Variants in HACL1 observed in about 807,000 individuals in gnomAD.
The protein encoded by HACL1 is 2-hydroxyacyl-CoA lyase 1.
HACL1 carries 64 observed loss-of-function variants against 74.2 expected under a neutral mutation model. The observed-to-expected ratio is 0.86, with a 90% CI of 0.70 to 1.06. HACL1 has a LOEUF of 1.06. HACL1 is among the 50% of genes least tolerant of loss of function. HACL1 has a pLI of 0.00. For missense variants in HACL1, 728 were observed against 719.7 expected (o/e 1.01, Z -0.13); for synonymous variants, 230 against 238.8 (o/e 0.96, Z 0.34).
chr3:15,567,677 A>T (rs2063460476), intron 14 of HACL1, among the ~76,000 whole-genome samples, 167 bp downstream of exon 14: 2 of 152,252 alleles, frequency 1.3e-5, no homozygotes, highest in Admixed American at 1.3e-4. Context: ...CGGTTCTGGA[A>T]GAGAAAGACC....
Position 15,597,306 on chromosome 3 carries a change from T to A in HACL1, c.187-882A>T, listed in dbSNP as rs371825922. On this transcript the variant is annotated intron_variant, in intron 2 of 16. Transcript: ENST00000321169. ...TCCACTTTACTTCCACATGGTCAGG[T>A]GACATATACTGCACGCTTTCAATCC... 3.9e-5 allele frequency among the ~76,000 whole-genome samples: 6 copies of A among 152,342 alleles called. No homozygotes were observed. The East Asian group carries it at 1.2e-3, about 29-fold the overall frequency.
At chr3:15,591,492 GT>G (rs11296184) in intron 4 of HACL1, 107 bp downstream of exon 4, 76,408 of 540,352 alleles carry the variant, frequency 0.14, 10,983 homozygotes, top group African/African-American at 0.55. Context: ...AATTGAAGGG[GT>G]TTTTTTTTTC....
At chr3:15,568,060 T>C (rs2125231726) in intron 13 of HACL1, 58 bp from the exon 14 acceptor site, 1 of 1,440,016 alleles carries the variant, frequency 6.9e-7, no homozygotes, top group Non-Finnish European at 9.7e-7. Flanking sequence ...AGGATGGGAT[T>C]GGCACAAACC....
chr3:15,587,286 T>C (rs551760797), intron 5 of HACL1, among the ~76,000 whole-genome samples: 3 of 146,074 alleles, frequency 2.1e-5, no homozygotes, highest in African/African-American at 7.7e-5. Flanking sequence ...ACTTGGATTC[T>C]TTCTCTTCTG....
Position 15,575,079 on chromosome 3 carries a change from A to T in HACL1, c.807T>A (p.Ala269=), listed in dbSNP as rs1396050208. Residue 269 remains alanine (A), a synonymous_variant, in exon 10 of 17, where the codon GCT becomes GCA. Transcript: ENST00000321169. ...ACACAATTACATCAGCAAATTGCAA[A>T]GCCCTATTAAAAAAATTGATATGAA... ...PYCVGAARSR[A]LQFADVIVLF... 1 of 1,518,352 alleles carries T rather than the reference A, an allele frequency of 6.6e-7. No homozygotes were observed. The highest frequency in any genetic ancestry group is 9.1e-7 in the Non-Finnish European group (1 of 1,096,312). 94.1% of individuals were successfully genotyped at this position (1,518,352 alleles called of 1,614,324 possible).
At chr3:15,585,387 C>T in intron 6 of HACL1, 45 bp from the exon 7 acceptor site, 1 of 1,035,134 alleles carries the variant, frequency 9.7e-7, no homozygotes, top group Non-Finnish European at 1.5e-6. Context: ...AAATCTCAGT[C>T]TTATCATATT....
intron 2 of HACL1, among the ~76,000 whole-genome samples, chr3:15,599,900 T>C (rs2064153493): frequency 6.6e-6 from 1 of 152,250 alleles, no homozygotes; most frequent in Non-Finnish European, 1.5e-5. Flanking sequence ...ATGTCATCTC[T>C]ACAAAAACAG....
In HACL1 at chr3:15,600,051, A is replaced by C. The variant is rs142576690; in HGVS notation, c.186+1039T>G. 3.4e-3 allele frequency among the ~76,000 whole-genome samples: 522 copies of C among 151,556 alleles called. 2 individuals are homozygous for C. Among genetic ancestry groups the C allele is most frequent in the Non-Finnish European group, 5.5e-3 (373 of 67,932 alleles). On this transcript the variant is annotated intron_variant, in intron 2 of 16. Transcript: ENST00000321169. ...TCCTAGTTTTAAGATTAAAAAATACAAATCTCAAACCTTGTAGATAAAGAA... is the reference window on the plus strand; with the variant it reads ...TCCTAGTTTTAAGATTAAAAAATACCAATCTCAAACCTTGTAGATAAAGAA...
At chr3:15,596,455 T>C (rs749056008) in intron 2 of HACL1, 31 bp from the exon 3 acceptor site, 20 of 1,438,056 alleles carry the variant, frequency 1.4e-5, no homozygotes, top group Non-Finnish European at 2.0e-5. Flanking sequence ...GACTTGAGCA[T>C]ATTGGGATCC....
chr3:15,592,481 T>TACACACTTGTATACATAC (rs139294939), intron 3 of HACL1, among the ~76,000 whole-genome samples: 14 of 138,128 alleles, frequency 1.0e-4, no homozygotes, highest in Non-Finnish European at 1.7e-4. Flanking sequence ...CACGTATACA[T>TACACACTTGTATACATAC]ACACTTGTAT....
chr3:15,591,885 C>CGTATATAGTGTATACACTATATAT (rs1455937007), intron 3 of HACL1, among the ~76,000 whole-genome samples: 54 of 149,160 alleles, frequency 3.6e-4, no homozygotes, highest in African/African-American at 6.4e-4. Flanking sequence ...CACACATATA[C>CGTATATAGTGTATACACTATATAT]GTATATAGTG....
chr3:15,593,170 T>A (rs1306906880), intron 3 of HACL1, among the ~76,000 whole-genome samples: 1 of 150,200 alleles, frequency 6.7e-6, no homozygotes, highest in East Asian at 2.0e-4. Context: ...TACGTATATA[T>A]GTGTGTATAT....
intron 3 of HACL1, among the ~76,000 whole-genome samples, chr3:15,591,892 A>G (rs1024248803): frequency 1.4e-4 from 21 of 150,704 alleles, no homozygotes; most frequent in African/African-American, 4.9e-4. Context: ...ATACGTATAT[A>G]GTGTATACAC....
chr3:15,586,025 G>A (rs1276058335), intron 6 of HACL1, among the ~76,000 whole-genome samples: 1 of 152,050 alleles, frequency 6.6e-6, no homozygotes, highest in African/African-American at 2.4e-5. Context: ...ATTTAGACTT[G>A]GGTCACATCC....
chr3:15,583,658 T>C (rs2063747631), intron 7 of HACL1, among the ~76,000 whole-genome samples: 1 of 147,708 alleles, frequency 6.8e-6, no homozygotes. Flanking sequence ...TTTCTTTTCT[T>C]TTTTTTTTTC....
chr3:15,601,006 G>A lies in HACL1; in HGVS notation c.186+84C>T, dbSNP rs931795228. Reference sequence around the variant, plus strand: ...GTAAAGTAGCAGAAGAGTGGTAAGCGCTATCTGGGTGTTTGCAATGCATAC... The same window carrying A: ...GTAAAGTAGCAGAAGAGTGGTAAGCACTATCTGGGTGTTTGCAATGCATAC... On this transcript the variant is annotated intron_variant, in intron 2 of 16. Transcript: ENST00000321169. The A allele has an allele frequency of 8.7e-6, 7 of 803,292 alleles. No individual in the cohort carries two copies. In the African/African-American group the frequency reaches 1.2e-4, roughly 13 times the overall value. The allele number at this position is 803,292 out of a possible 1,614,324, so 49.8% of individuals were successfully genotyped here.
chr3:15,585,323 T>A lies in HACL1; in HGVS notation c.479A>T (p.Tyr160Phe), dbSNP rs748535962. The A allele has an allele frequency of 1.1e-5, 18 of 1,596,906 alleles. No individual in the cohort carries two copies. Among genetic ancestry groups the A allele is most frequent in the African/African-American group, 1.3e-5 (1 of 74,606 alleles). The change falls in exon 7 of 17, where the codon TAT becomes TTT. Residue 160 changes from tyrosine to phenylalanine, a missense_variant. Tyr to Phe is a conservative substitution (Grantham distance 22, BLOSUM62 3). Transcript: ENST00000321169. ...VIEKAVRSSI[Y>F]GRPGACYVDI... ...AACATAGCAAGCACCTGGACGACCA[T>A]AGATACTGCTTCTCACTGCCTACGT...
At position 15,601,185 on chromosome 3, in the gene HACL1, A is replaced by G. The variant is rs1358855675; in HGVS notation, c.91T>C (p.Tyr31His). ...AQALKTQDVE[Y>H]IFGIVGIPVT... Reference sequence around the variant, plus strand: ...GGGATGCCTACGATGCCAAATATGTACTCCACATCCTGAGGAACGAAGAAC... The same window carrying G: ...GGGATGCCTACGATGCCAAATATGTGCTCCACATCCTGAGGAACGAAGAAC... The change falls in exon 2 of 17, where the codon TAC becomes CAC. Residue 31 changes from tyrosine to histidine, a missense_variant. Physicochemically the swap from Tyr to His is moderately conservative, Grantham distance 83. Coordinates refer to ENST00000321169, the MANE Select transcript of HACL1 (RefSeq NM_012260.4). 1.2e-6 allele frequency: 2 copies of G among 1,611,370 alleles called. No individual in the cohort carries two copies. The highest frequency in any genetic ancestry group is 1.7e-6 in the Non-Finnish European group (2 of 1,177,550).
intron 3 of HACL1, among the ~76,000 whole-genome samples, chr3:15,592,994 G>A (rs1266641502): frequency 7.6e-6 from 1 of 131,034 alleles, no homozygotes; most frequent in Non-Finnish European, 1.7e-5. Flanking sequence ...ACACATGTAC[G>A]CACATGTGTG....
Sources: allele counts gnomAD v4.1 joint callset (sites outside exome capture counted in the v4.1 genomes callset), GRCh38; gene constraint gnomAD v4.1.1; transcripts MANE v1.5; gene names NCBI Gene and HGNC (gene_info 2026-07-23, HGNC 2026-07-21).